The following DLG2 variants were observed in gnomAD, a reference collection of about 807,000 sequenced individuals.
DLG2 encodes the protein disks large homolog 2.
In DLG2, 45 loss-of-function variants were observed where a neutral mutation model predicts 132.5. The observed-to-expected ratio is 0.34, with a 90% CI of 0.27 to 0.44. The LOEUF is 0.44. Ranked by LOEUF, DLG2 falls within the 20% of genes least tolerant of loss-of-function variation. DLG2 has a pLI of 1.00. For synonymous variants in DLG2, 424 were observed against 419.6 expected (o/e 1.01, Z -0.13); for missense variants, 1,045 against 1,196.9 (o/e 0.87, Z 1.87).
At chr11:84,626,979 C>T (rs1468310946) in intron 6 of DLG2, among the ~76,000 whole-genome samples, 1 of 152,094 alleles carries the variant, frequency 6.6e-6, no homozygotes, top group African/African-American at 2.4e-5. Flanking sequence ...TCAAGTGATT[C>T]TCCTGCCCCA....
At chr11:84,041,861 G>T (rs1032728943) in intron 11 of DLG2, among the ~76,000 whole-genome samples, 42 of 151,810 alleles carry the variant, frequency 2.8e-4, no homozygotes, top group African/African-American at 1.0e-3. Context: ...TGAATTATGG[G>T]GATGGGTCTT....
chr11:84,507,497 A>C (rs1754585072), intron 7 of DLG2, among the ~76,000 whole-genome samples: 1 of 152,206 alleles, frequency 6.6e-6, no homozygotes, highest in African/African-American at 2.4e-5. Context: ...ACTTTTGTAA[A>C]ACTGAGTACT....
intron 6 of DLG2, among the ~76,000 whole-genome samples, chr11:84,622,160 G>T (rs1199187694): frequency 6.6e-6 from 1 of 152,104 alleles, no homozygotes; most frequent in Non-Finnish European, 1.5e-5. Context: ...CAATCTTTGG[G>T]AAACCTAGCA....
intron 21 of DLG2, among the ~76,000 whole-genome samples, chr11:83,510,377 T>C (rs1044947774): frequency 2.0e-5 from 3 of 152,150 alleles, no homozygotes; most frequent in Non-Finnish European, 4.4e-5. Context: ...ATTCATGTCC[T>C]AGGAGTGATT....
chr11:84,048,444 T>C (rs1166612046), intron 11 of DLG2, among the ~76,000 whole-genome samples: 1 of 151,668 alleles, frequency 6.6e-6, no homozygotes, highest in Non-Finnish European at 1.5e-5. Flanking sequence ...AAATTTGCTA[T>C]TCGTGCTTAT....
intron 24 of DLG2, among the ~76,000 whole-genome samples, chr11:83,470,627 T>C (rs912063618): frequency 1.3e-5 from 2 of 152,196 alleles, no homozygotes; most frequent in African/African-American, 4.8e-5. Flanking sequence ...CCTTCCTGTC[T>C]GAAGACTTTC....
intron 4 of DLG2, among the ~76,000 whole-genome samples, chr11:85,157,081 A>G (rs1314292791): frequency 6.6e-6 from 1 of 152,178 alleles, no homozygotes; most frequent in Non-Finnish European, 1.5e-5. Flanking sequence ...AAGCAGGCAG[A>G]AAAACACGAA....
chr11:84,631,055 C>G lies in DLG2; in HGVS notation c.358-96324G>C, dbSNP rs1385061506. Among the ~76,000 whole-genome samples the G allele has an allele frequency of 3.5e-5, 5 of 141,772 alleles. No individual in the cohort carries two copies. The East Asian group carries it at 1.0e-3, about 28-fold the overall frequency. 93.0% of individuals were successfully genotyped at this position (141,772 alleles called of 152,430 possible). A position where few individuals can be genotyped will look rare whatever the true frequency, so the allele number is the denominator to read the frequency against. ...ACACACACACACACACACACACACACACAGAAACCACGTTTTGTTTCTACT... is the reference window on the plus strand; with the variant it reads ...ACACACACACACACACACACACACAGACAGAAACCACGTTTTGTTTCTACT... On this transcript the variant is annotated intron_variant, in intron 6 of 27. Coordinates refer to ENST00000376104, the MANE Select transcript of DLG2 (RefSeq NM_001142699.3).
rs562170446 is a variant in DLG2, at chr11:85,390,396, A to T, written c.41-105031T>A. 2.8e-4 allele frequency among the ~76,000 whole-genome samples: 42 copies of T among 152,258 alleles called. 1 individual carries two copies. The highest frequency in any genetic ancestry group is 2.5e-3 in the Admixed American group (38 of 15,294). ...TAAGACCTAAGATAGACAGAAACACAATAATAGTGGGGACTTCATTATTCC... is the reference window on the plus strand; with the variant it reads ...TAAGACCTAAGATAGACAGAAACACTATAATAGTGGGGACTTCATTATTCC... On this transcript the variant is annotated intron_variant, in intron 3 of 27. Coordinates refer to ENST00000376104, the MANE Select transcript of DLG2 (RefSeq NM_001142699.3).
At chr11:85,587,447 A>C (rs1415658562) in intron 3 of DLG2, among the ~76,000 whole-genome samples, 1 of 152,158 alleles carries the variant, frequency 6.6e-6, no homozygotes, top group Non-Finnish European at 1.5e-5. Flanking sequence ...TTATCATTAC[A>C]TAATGTCTCC....
rs192777065 is a variant in DLG2, at chr11:84,505,778, T to C, written c.519+28792A>G. Among the ~76,000 whole-genome samples the C allele has an allele frequency of 3.6e-3, 545 of 152,196 alleles. 4 individuals carry two copies. The highest frequency in any genetic ancestry group is 0.011 in the Admixed American group (170 of 15,292). On this transcript the variant is annotated intron_variant, in intron 7 of 27. Coordinates refer to ENST00000376104, the MANE Select transcript of DLG2 (RefSeq NM_001142699.3). The stretch of plus-strand genomic sequence containing the variant: ...ACAGCTTGCATTTATCAAGGACATA[T>C]GGGGAACAAGAAATCTCTTGGGTAT...
At chr11:85,417,721 T>G (rs2089981423) in intron 3 of DLG2, among the ~76,000 whole-genome samples, 1 of 152,212 alleles carries the variant, frequency 6.6e-6, no homozygotes, top group Non-Finnish European at 1.5e-5. Context: ...GATTTTCTAG[T>G]TTATTTGCAT....
At chr11:84,613,580 A>G (rs1355897784) in intron 6 of DLG2, among the ~76,000 whole-genome samples, 2 of 152,222 alleles carry the variant, frequency 1.3e-5, no homozygotes, top group Admixed American at 6.5e-5. Flanking sequence ...TGCCCTGCAC[A>G]TAGTGACCAC....
intron 17 of DLG2, among the ~76,000 whole-genome samples, chr11:83,802,715 T>TA (rs564703024): frequency 6.6e-6 from 1 of 151,774 alleles, no homozygotes; most frequent in African/African-American, 2.4e-5. Context: ...ATTTTGAAAC[T>TA]AAAAAAAAGT....
rs548048652 is a variant in DLG2, at chr11:84,058,895, C to T, written c.919+420G>A. Among the ~76,000 whole-genome samples the T allele has an allele frequency of 1.7e-4, 26 of 151,892 alleles. No homozygotes were observed. The South Asian group carries it at 4.4e-3, about 25-fold the overall frequency. ...CATAAGAATATAACCAAACTTTAAA[C>T]ATATCACAACATTATAAAAATATAA... On this transcript the variant is annotated intron_variant, in intron 11 of 27. Coordinates refer to ENST00000376104, the MANE Select transcript of DLG2 (RefSeq NM_001142699.3).
intron 7 of DLG2, among the ~76,000 whole-genome samples, chr11:84,385,007 G>T (rs1461583810): frequency 3.3e-5 from 5 of 152,090 alleles, no homozygotes; most frequent in African/African-American, 9.7e-5. Flanking sequence ...TGAAAAAGGA[G>T]ATGACAAGAT....
intron 6 of DLG2, among the ~76,000 whole-genome samples, chr11:85,084,293 T>G (rs1317940506): frequency 1.3e-5 from 2 of 152,088 alleles, no homozygotes; most frequent in Admixed American, 1.3e-4. Flanking sequence ...GTATGGGAAG[T>G]GAGCTCAAGT....
chr11:84,640,343 T>G lies in DLG2; in HGVS notation c.358-105612A>C, dbSNP rs150328028. ...TTGTTGACATCCGAAATTTCTTGGA[T>G]GAAAAATAAATCCTCAGGGTTTGGA... On this transcript the variant is annotated intron_variant, in intron 6 of 27. Transcript: ENST00000376104. 9.2e-4 allele frequency: 319 copies of G among 347,676 alleles called. 3 individuals are homozygous for G. The highest frequency in any genetic ancestry group is 6.0e-3 in the African/African-American group (277 of 46,034). The allele number at this position is 347,676 out of a possible 1,614,324, so 21.5% of individuals were successfully genotyped here.
chr11:83,567,547 G>A (rs1303388748), intron 19 of DLG2, among the ~76,000 whole-genome samples: 1 of 152,040 alleles, frequency 6.6e-6, no homozygotes, highest in Non-Finnish European at 1.5e-5. Flanking sequence ...GTGGGGTGCT[G>A]GACATAAAAA....
Sources: gnomAD v4.1 joint callset for allele counts (sites outside exome capture counted in the v4.1 genomes callset) on GRCh38, gnomAD v4.1.1 for gene constraint, MANE v1.5 for transcripts, NCBI Gene and HGNC (gene_info 2026-07-23, HGNC 2026-07-21) for gene names.